PAM: variants seen among roughly 807,000 people sequenced by gnomAD.
PAM encodes the protein peptidyl-glycine alpha-amidating monooxygenase.
A neutral mutation model predicts 122.1 loss-of-function variants in PAM; 72 were observed. That is an observed-to-expected ratio of 0.59 (90% CI 0.49 to 0.72). PAM has a LOEUF of 0.72. Ranked by LOEUF, PAM falls within the 30% of genes least tolerant of loss-of-function variation. The probability of loss-of-function intolerance (pLI) is 0.00; values close to 1 mark genes in which losing one functional copy is unlikely to be tolerated. For synonymous variants in PAM, 389 were observed against 404.4 expected (o/e 0.96, Z 0.46); for missense variants, 1,106 against 1,183.7 (o/e 0.93, Z 0.96).
intron 1 of PAM, among the ~76,000 whole-genome samples, chr5:102,814,934 G>A (rs1229859653): frequency 2.0e-5 from 3 of 151,630 alleles, no homozygotes; most frequent in Non-Finnish European, 4.4e-5. Flanking sequence ...ACAAATCCAT[G>A]TGTGCAGCAC....
chr5:102,968,577 G>A (rs765709020), intron 14 of PAM, among the ~76,000 whole-genome samples: 3 of 152,074 alleles, frequency 2.0e-5, no homozygotes, highest in Non-Finnish European at 4.4e-5. Context: ...GTCAACAATT[G>A]GTAAGCAGCA....
intron 1 of PAM, among the ~76,000 whole-genome samples, chr5:102,811,706 A>T (rs1767960372): frequency 6.6e-6 from 1 of 152,182 alleles, no homozygotes; most frequent in African/African-American, 2.4e-5. Context: ...CACACATCTG[A>T]TATTTTTGCT....
intron 16 of PAM, among the ~76,000 whole-genome samples, chr5:103,000,340 C>A (rs992087470): frequency 2.6e-5 from 4 of 152,184 alleles, no homozygotes; most frequent in Admixed American, 1.3e-4. Context: ...GAGACCATGC[C>A]AGCCTGGACT....
At chr5:103,023,111 A>C (rs3776855) in intron 23 of PAM, among the ~76,000 whole-genome samples, 35,951 of 151,772 alleles carry the variant, frequency 0.24, 4,946 homozygotes, top group East Asian at 0.44. Context: ...CTGTGTATGT[A>C]TTATATCTTA....
chr5:102,811,369 C>T (rs943496501), intron 1 of PAM, among the ~76,000 whole-genome samples: 3 of 152,198 alleles, frequency 2.0e-5, no homozygotes, highest in Admixed American at 1.3e-4. Flanking sequence ...ATCTGCATTC[C>T]GTGGCTCCTG....
At chr5:102,906,450 T>C (rs1386894634) in intron 4 of PAM, among the ~76,000 whole-genome samples, 2 of 151,602 alleles carry the variant, frequency 1.3e-5, no homozygotes, top group Non-Finnish European at 3.0e-5. Context: ...GTGAATATTT[T>C]AGTGGCCCAC....
chr5:102,858,034 A>C (rs763369220), intron 1 of PAM, among the ~76,000 whole-genome samples: 1 of 152,234 alleles, frequency 6.6e-6, no homozygotes, highest in African/African-American at 2.4e-5. Context: ...TAGATTCCTC[A>C]TCTATAAAAC....
intron 5 of PAM, among the ~76,000 whole-genome samples, chr5:102,922,455 A>G (rs1747759225): frequency 2.0e-5 from 3 of 152,182 alleles, no homozygotes; most frequent in African/African-American, 7.2e-5. Context: ...TGGCAGGATT[A>G]AAAAAGGGGG....
chr5:102,814,808 A>G (rs546371155), intron 1 of PAM, among the ~76,000 whole-genome samples: 1 of 152,046 alleles, frequency 6.6e-6, no homozygotes, highest in South Asian at 2.1e-4. Context: ...TTATTCCATT[A>G]AGCTTTGTAT....
At chr5:102,979,064 A>ACACACACACACACG (rs1554150769) in intron 15 of PAM, among the ~76,000 whole-genome samples, 1 of 151,336 alleles carries the variant, frequency 6.6e-6, no homozygotes. Context: ...ACACACACGC[A>ACACACACACACACG]CACACACATA....
At chr5:102,770,396 G>C (rs1374370551) in intron 1 of PAM, among the ~76,000 whole-genome samples, 1 of 151,998 alleles carries the variant, frequency 6.6e-6, no homozygotes, top group East Asian at 1.9e-4. Context: ...AGGACTTCCA[G>C]TACTGCGTTG....
At chr5:103,002,771 A>G (rs961785707) in intron 16 of PAM, among the ~76,000 whole-genome samples, 3 of 152,178 alleles carry the variant, frequency 2.0e-5, no homozygotes, top group Non-Finnish European at 4.4e-5. Context: ...GGTCTTGTGA[A>G]AATGCAGATT....
At chr5:102,892,337 A>G (rs1234418042) in intron 3 of PAM, among the ~76,000 whole-genome samples, 18 of 151,884 alleles carry the variant, frequency 1.2e-4, no homozygotes, top group Admixed American at 1.2e-3. Context: ...TAGTTGCTGG[A>G]TGAAATAATC....
intron 1 of PAM, among the ~76,000 whole-genome samples, chr5:102,820,168 G>A (rs918760875): frequency 6.6e-6 from 1 of 152,056 alleles, no homozygotes; most frequent in African/African-American, 2.4e-5. Flanking sequence ...AAAAGTTAAA[G>A]TTTCTAAATA....
intron 3 of PAM, chr5:102,896,066 T>A (rs1453161938): frequency 2.6e-5 from 4 of 151,742 alleles, no homozygotes; most frequent in African/African-American, 4.8e-5. Context: ...TTTCCACCGC[T>A]ATCGCCACCC....
chr5:102,859,524 T>G (rs1250921700), intron 1 of PAM, among the ~76,000 whole-genome samples: 2 of 152,142 alleles, frequency 1.3e-5, no homozygotes, highest in Non-Finnish European at 2.9e-5. Flanking sequence ...AGTTAAAAAG[T>G]TAAACAATTT....
chr5:102,855,268 C>T (rs574954191), intron 1 of PAM, among the ~76,000 whole-genome samples: 1 of 152,038 alleles, frequency 6.6e-6, no homozygotes, highest in East Asian at 1.9e-4. Flanking sequence ...ATATGTTTTT[C>T]AATTCTATAA....
intron 24 of PAM, among the ~76,000 whole-genome samples, chr5:103,026,100 G>T (rs1327236472): frequency 6.6e-6 from 1 of 152,184 alleles, no homozygotes; most frequent in Non-Finnish European, 1.5e-5. Context: ...TCCAATACCA[G>T]AGTTAGTATT....
chr5:102,792,437 G>C (rs1025544029), intron 1 of PAM, among the ~76,000 whole-genome samples: 2 of 152,198 alleles, frequency 1.3e-5, no homozygotes, highest in Non-Finnish European at 2.9e-5. Context: ...AAAGCAGGTA[G>C]CAATTACATA....
Sources: gnomAD v4.1 joint callset for allele counts (sites outside exome capture counted in the v4.1 genomes callset) on GRCh38, gnomAD v4.1.1 for gene constraint, MANE v1.5 for transcripts, NCBI Gene and HGNC (gene_info 2026-07-23, HGNC 2026-07-21) for gene names.